Variants in MYO7A observed in about 807,000 individuals in gnomAD.
The protein encoded by MYO7A is unconventional myosin-VIIa.
Under a neutral mutation model 263.8 loss-of-function variants are expected in MYO7A, and 210 were observed. That is an observed-to-expected ratio of 0.80 (90% CI 0.71 to 0.89). The LOEUF (loss-of-function observed/expected upper bound fraction) is 0.89, where lower values mean the gene tolerates loss of function less well. MYO7A is among the 40% of genes least tolerant of loss of function. The probability of loss-of-function intolerance (pLI) is 0.00; values close to 1 mark genes in which losing one functional copy is unlikely to be tolerated. For missense variants in MYO7A, 2,820 were observed against 2,968.3 expected, an observed-to-expected ratio of 0.95 and a Z score of 1.16; for synonymous variants, 1,239 against 1,197.3, an observed-to-expected ratio of 1.03 and a Z score of -0.72.
At position 77,144,946 on chromosome 11, in the gene MYO7A, C is replaced by T. The variant is rs1453559973; in HGVS notation, c.132+2124C>T. Among the ~76,000 whole-genome samples the T allele has an allele frequency of 1.4e-4, 22 of 152,178 alleles. 3 individuals carry two copies. The highest frequency in any genetic ancestry group is 1.2e-3 in the Admixed American group (19 of 15,284). On this transcript the variant is annotated intron_variant, in intron 3 of 48. Coordinates refer to ENST00000409709, the MANE Select transcript of MYO7A (RefSeq NM_000260.4). ...CTGGTCCCTGGAATTGACCATGTTC[C>T]CTTCCCCCAGTTGCTGGCATTTCTT...
chr11:77,143,570 G>A (rs145016929), intron 3 of MYO7A, among the ~76,000 whole-genome samples: 284 of 152,358 alleles, frequency 1.9e-3, no homozygotes, highest in African/African-American at 6.3e-3. Context: ...GTGAGGGCCC[G>A]GAGGGGAAGC....
At chr11:77,128,640 C>A (rs782798491) in intron 1 of MYO7A, among the ~76,000 whole-genome samples, 151 bp downstream of exon 1, 24 of 152,176 alleles carry the variant, frequency 1.6e-4, no homozygotes, top group Non-Finnish European at 2.8e-4. Flanking sequence ...GCCACCACAG[C>A]CACTGAATGA....
At chr11:77,209,937 C>T (rs1394894298) in intron 44 of MYO7A, among the ~76,000 whole-genome samples, 1 of 152,242 alleles carries the variant, frequency 6.6e-6, no homozygotes, top group Non-Finnish European at 1.5e-5. Context: ...GGCTCTCCTT[C>T]AGCTCAGCTG....
intron 44 of MYO7A, 118 bp from the exon 45 acceptor site, chr11:77,211,034 G>A (rs1168792794): frequency 1.4e-5 from 13 of 901,180 alleles, no homozygotes; most frequent in African/African-American, 3.4e-5. Context: ...GGAGAGGTGG[G>A]TGGGCCCATG....
chr11:77,181,474 A>G lies in MYO7A; in HGVS notation c.2789A>G (p.Glu930Gly), dbSNP rs1555084199. 1 of 1,612,618 alleles carries G rather than the reference A, an allele frequency of 6.2e-7. No individual in the cohort carries two copies. Among genetic ancestry groups the G allele is most frequent in the Non-Finnish European group, 8.5e-7 (1 of 1,179,616 alleles). The part of the protein sequence containing the change: ...RRKKELLEQM[E>G]RARHEPVNHS... ...AAGAAGGAGCTCCTGGAGCAGATGG[A>G]AAGGGCCCGCCATGAGCCTGTCAAT... is the stretch of plus-strand genomic sequence containing the variant. Residue 930 changes from glutamate (E) to glycine (G), a missense_variant, in exon 23 of 49, where the codon GAA (glutamate) becomes GGA (glycine). Coordinates refer to ENST00000409709, the MANE Select transcript of MYO7A (RefSeq NM_000260.4).
intron 2 of MYO7A, 118 bp from the exon 3 acceptor site, chr11:77,142,591 T>C: frequency 1.2e-6 from 1 of 855,478 alleles, no homozygotes; most frequent in Non-Finnish European, 1.9e-6. Flanking sequence ...CCCCTTCTCT[T>C]CCCCCTTGTG....
intron 1 of MYO7A, 81 bp from the exon 2 acceptor site, chr11:77,130,508 G>A: frequency 9.3e-7 from 1 of 1,072,218 alleles, no homozygotes; most frequent in Non-Finnish European, 1.4e-6. Flanking sequence ...GGCTTTGGGA[G>A]GAGCCCAGGT....
Position 77,189,332 on chromosome 11 carries a change from C to T in MYO7A, c.3504-12C>T, listed in dbSNP as rs1555090161. 2 of 1,612,608 alleles carry T rather than the reference C, an allele frequency of 1.2e-6. No individual in the cohort carries two copies. Among genetic ancestry groups the T allele is most frequent in the Non-Finnish European group, 1.7e-6 (2 of 1,179,860 alleles). On this transcript the variant is annotated splice_polypyrimidine_tract_variant and intron_variant, in intron 27 of 48. Transcript: ENST00000409709. ...GGGTGATTCCCCCTCCCTTGCCCTGCTGCCTGCCCAGGGACGAGATCTACT... is the reference window on the plus strand; with the variant it reads ...GGGTGATTCCCCCTCCCTTGCCCTGTTGCCTGCCCAGGGACGAGATCTACT...
At chr11:77,214,580 C>G in intron 48 of MYO7A, 27 bp from the exon 49 acceptor site, 1 of 1,506,236 alleles carries the variant, frequency 6.6e-7, no homozygotes. Context: ...ACCGTGTGCT[C>G]GCTTATCTTC....
chr11:77,147,973 C>CCCGT, intron 4 of MYO7A, 23 bp downstream of exon 4: 1 of 1,515,760 alleles, frequency 6.6e-7, no homozygotes. Flanking sequence ...CCGCCCGGTG[C>CCCGT]CCGTCCAGGC....
At position 77,209,071 on chromosome 11, in the gene MYO7A, T is replaced by C. The variant is rs61647635; in HGVS notation, c.6051+268T>C. The C allele has an allele frequency of 1.1e-5, 5 of 443,814 alleles. No homozygotes were observed. In the South Asian group the frequency reaches 1.9e-4, roughly 17 times the overall value. The allele number at this position is 443,814 out of a possible 1,614,324, so 27.5% of individuals were successfully genotyped here. A position where few individuals can be genotyped will look rare whatever the true frequency, so the allele number is the denominator to read the frequency against. ...TCAGGCCCCTCCTTCAGTGCGGGGC[T>C]ATCCTCTGACTTCGAGATTCTGCTG... On this transcript the variant is annotated intron_variant, in intron 44 of 48. Transcript: ENST00000409709.
rs1955177403 is a variant in MYO7A, at chr11:77,181,470, A to G, written c.2785A>G (p.Met929Val). ...GCGGAAGAAGGAGCTCCTGGAGCAG[A>G]TGGAAAGGGCCCGCCATGAGCCTGT... ...ARRKKELLEQMERARHEPVNH... is the reference protein window; with the variant it reads ...ARRKKELLEQVERARHEPVNH... Residue 929 changes from methionine to valine, a missense_variant, in exon 23 of 49, where the codon ATG becomes GTG. Met to Val is a conservative substitution (Grantham distance 21). Coordinates refer to ENST00000409709, the MANE Select transcript of MYO7A (RefSeq NM_000260.4). 25 of 1,612,306 alleles carry G rather than the reference A, an allele frequency of 1.6e-5. No individual in the cohort carries two copies. The highest frequency in any genetic ancestry group is 2.0e-5 in the Non-Finnish European group (24 of 1,179,510).
At chr11:77,193,078 AGTT>A (rs1478793600) in intron 31 of MYO7A, among the ~76,000 whole-genome samples, 2 of 27,050 alleles carry the variant, frequency 7.4e-5, no homozygotes, top group South Asian at 6.0e-4. Context: ...TGGTGGAGGT[AGTT>A]GTTTGTGATG....
intron 28 of MYO7A, 144 bp from the exon 29 acceptor site, chr11:77,189,876 T>A (rs959457587): frequency 7.5e-7 from 1 of 1,331,800 alleles, no homozygotes; most frequent in Admixed American, 2.9e-5. Context: ...TGGAAATAGA[T>A]GGTGGAGCTG....
intron 12 of MYO7A, 109 bp downstream of exon 12, chr11:77,161,224 C>G (rs1467940294): frequency 7.4e-7 from 1 of 1,350,406 alleles, no homozygotes; most frequent in African/African-American, 1.4e-5. Context: ...GCACACTCTG[C>G]CAGGCTGTTC....
chr11:77,157,443 A>G (rs887860413), intron 8 of MYO7A, 51 bp downstream of exon 8: 1 of 1,317,258 alleles, frequency 7.6e-7, no homozygotes, highest in Non-Finnish European at 1.1e-6. Flanking sequence ...CTAGGATTGT[A>G]GGGAGCTGGC....
At chr11:77,204,603 A>C (rs1957309026) in intron 39 of MYO7A, among the ~76,000 whole-genome samples, 1 of 152,190 alleles carries the variant, frequency 6.6e-6, no homozygotes, top group African/African-American at 2.4e-5. Flanking sequence ...AGCTGGAAGC[A>C]CTGGCTGAAA....
At chr11:77,157,674 T>G (rs1244465005) in intron 8 of MYO7A, among the ~76,000 whole-genome samples, 1 of 152,054 alleles carries the variant, frequency 6.6e-6, no homozygotes, top group Non-Finnish European at 1.5e-5. Flanking sequence ...TGGGCTGGGG[T>G]GGGCCAGGCC....
chr11:77,211,375 G>A (rs1957856458), intron 45 of MYO7A, 38 bp downstream of exon 45: 1 of 1,546,494 alleles, frequency 6.5e-7, no homozygotes. Context: ...GTGGGGCCCT[G>A]AATGGGCCTC....
Sources: allele counts gnomAD v4.1 joint callset (sites outside exome capture counted in the v4.1 genomes callset), GRCh38; gene constraint gnomAD v4.1.1; transcripts MANE v1.5; gene names NCBI Gene and HGNC (gene_info 2026-07-23, HGNC 2026-07-21).